Variants in LAMA3 observed in about 807,000 individuals in gnomAD.
The protein encoded by LAMA3 is laminin subunit alpha-3.
Under a neutral mutation model 402.0 loss-of-function variants are expected in LAMA3, and 281 were observed. The ratio of observed to expected loss-of-function variants is 0.70; its 90% confidence interval spans 0.63 to 0.77. The LOEUF (loss-of-function observed/expected upper bound fraction) is 0.77, where lower values mean the gene tolerates loss of function less well. LAMA3 is among the 30% of genes least tolerant of loss of function. The pLI, the probability that LAMA3 is intolerant of heterozygous loss-of-function variation, is 0.00. For synonymous variants in LAMA3, 1,431 were observed against 1,558.4 expected (o/e 0.92, Z 1.93); for missense variants, 3,840 against 4,215.5 (o/e 0.91, Z 2.47).
At chr18:23,693,923 C>T (rs929681864) in intron 1 of LAMA3, among the ~76,000 whole-genome samples, 2 of 152,212 alleles carry the variant, frequency 1.3e-5, no homozygotes, top group East Asian at 3.8e-4. Flanking sequence ...GGTTGTGCTA[C>T]ATACATGGAT....
intron 1 of LAMA3, among the ~76,000 whole-genome samples, chr18:23,713,574 T>G (rs2061037172): frequency 6.6e-6 from 1 of 152,208 alleles, no homozygotes; most frequent in African/African-American, 2.4e-5. Context: ...GAAGTGGATT[T>G]GTTGAAGTGA....
intron 37 of LAMA3, among the ~76,000 whole-genome samples, chr18:23,871,016 C>T (rs1025427079): frequency 1.4e-4 from 22 of 152,156 alleles, no homozygotes; most frequent in African/African-American, 4.8e-4. Context: ...ATAATATAAA[C>T]GTTTGTGCAA....
At chr18:23,775,023 G>A (rs1323137761) in intron 9 of LAMA3, among the ~76,000 whole-genome samples, 2 of 152,154 alleles carry the variant, frequency 1.3e-5, no homozygotes, top group Non-Finnish European at 1.5e-5. Flanking sequence ...GAGGCTTGGC[G>A]TAAAGGATCA....
chr18:23,693,644 A>G (rs1324961187), intron 1 of LAMA3, among the ~76,000 whole-genome samples: 1 of 152,178 alleles, frequency 6.6e-6, no homozygotes, highest in African/African-American at 2.4e-5. Context: ...TAGAAATAGT[A>G]ACTTGTTTTA....
intron 67 of LAMA3, 62 bp from the exon 68 acceptor site, chr18:23,939,161 T>C (rs1036621113): frequency 1.3e-6 from 2 of 1,528,700 alleles, no homozygotes; most frequent in African/African-American, 1.4e-5. Context: ...AGCAATGTAC[T>C]TAGCAAGATA....
At position 23,845,113 on chromosome 18, in the gene LAMA3, C is replaced by T. The variant is rs2063784950; in HGVS notation, c.3708C>T (p.Ser1236=). The T allele has an allele frequency of 1.9e-6, 3 of 1,588,456 alleles. No individual in the cohort carries two copies. Among genetic ancestry groups the T allele is most frequent in the Non-Finnish European group, 1.7e-6 (2 of 1,156,752 alleles). ...TTATCACCAATTGTGGAAAAAACAG[C>T]TTTTACCTTGAGTGAGTATCACTTT... ...LEFITNCGKN[S]FYLDPQTASR... The change falls in exon 30 of 75, where the codon AGC becomes AGT. Residue 1236 remains serine, a synonymous_variant. Transcript: ENST00000313654.
intron 64 of LAMA3, 124 bp downstream of exon 64, chr18:23,928,889 G>A (rs982734357): frequency 1.9e-5 from 18 of 923,180 alleles, no homozygotes; most frequent in Non-Finnish European, 2.6e-5. Flanking sequence ...CACAGTAAAT[G>A]CTATTGTATA....
Position 23,842,458 on chromosome 18 carries a change from TA to T in LAMA3, c.3401del (p.Tyr1134SerfsTer39). 6.2e-7 allele frequency: 1 copy of T among 1,614,218 alleles called. No individual in the cohort carries two copies. Among genetic ancestry groups the T allele is most frequent in the Non-Finnish European group, 8.5e-7 (1 of 1,180,030 alleles). ...CCGATACGTCTTTGTCATCCATTTT[TA>T]CCAAGCAGCGCACCCGACGTTTCCC... is the stretch of plus-strand genomic sequence containing the variant. ...LGRYVFVIHF[Y>X]QAAHPTFPAQ... On this transcript the variant is annotated frameshift_variant, in exon 28 of 75. Transcript: ENST00000313654. LOFTEE classifies it high-confidence loss of function.
intron 1 of LAMA3, chr18:23,710,024 CT>C: frequency 1.3e-6 from 1 of 768,316 alleles, no homozygotes; most frequent in South Asian, 1.3e-5. Context: ...TGTCTTCTAT[CT>C]TCTTCATGGC....
Position 23,899,430 on chromosome 18 carries a change from AGC to A in LAMA3, c.5980_5981del (p.Ala1994Ter), listed in dbSNP as rs1057516688. 2 of 1,614,164 alleles carry A rather than the reference AGC, an allele frequency of 1.2e-6. No individual in the cohort carries two copies. Among genetic ancestry groups the A allele is most frequent in the Non-Finnish European group, 1.7e-6 (2 of 1,180,004 alleles). On this transcript the variant is annotated frameshift_variant, in exon 47 of 75. Transcript: ENST00000313654. LOFTEE classifies it high-confidence loss of function. The part of the protein sequence containing the change: ...NFGKHLREAE[A>X]DKRESQLLLN... ...TTGGAAAGCACCTCAGAGAAGCAGA[AGC>A]TGATAAAAGGGAGTCGCAGCTCTGT...
intron 7 of LAMA3, 150 bp downstream of exon 7, chr18:23,758,661 G>T: frequency 1.6e-6 from 1 of 618,722 alleles, no homozygotes. Context: ...ACCTCAGACT[G>T]CAGGGAAAAG....
chr18:23,843,545 G>A (rs573668572), intron 29 of LAMA3, among the ~76,000 whole-genome samples: 2 of 152,178 alleles, frequency 1.3e-5, no homozygotes, highest in Admixed American at 1.3e-4. Flanking sequence ...TCTCACTTGG[G>A]CAGGGCCAGC....
rs768993260 is a variant in LAMA3, at chr18:23,873,264, T to C, written c.4998+1603T>C. 6 of 1,507,208 alleles carry C rather than the reference T, an allele frequency of 4.0e-6. No homozygotes were observed. In the East Asian group the frequency reaches 1.4e-4, roughly 34 times the overall value. 93.4% of individuals were successfully genotyped at this position (1,507,208 alleles called of 1,614,324 possible). A position where few individuals can be genotyped will look rare whatever the true frequency, so the allele number is the denominator to read the frequency against. ...TTGTGATAGGGAAGAGTTTCCAGCT[T>C]TGTGACATTTTAAGTTACAGTTACG... On this transcript the variant is annotated intron_variant, in intron 38 of 74. Transcript: ENST00000313654.
intron 36 of LAMA3, among the ~76,000 whole-genome samples, chr18:23,866,270 T>A (rs763962841): frequency 6.6e-6 from 1 of 152,162 alleles, no homozygotes; most frequent in Non-Finnish European, 1.5e-5. Context: ...CTGCCTGAAG[T>A]CGGCTCTATT....
chr18:23,927,852 T>C (rs2082051932), intron 62 of LAMA3, among the ~76,000 whole-genome samples: 1 of 152,020 alleles, frequency 6.6e-6, no homozygotes, highest in Non-Finnish European at 1.5e-5. Flanking sequence ...GCATGTTCTC[T>C]GTCTCTTTAC....
chr18:23,707,175 G>C (rs959787064), intron 1 of LAMA3, among the ~76,000 whole-genome samples: 4 of 152,202 alleles, frequency 2.6e-5, no homozygotes, highest in African/African-American at 9.7e-5. Context: ...TTGTCAGTTG[G>C]GGTAACTCAC....
rs761986688 is a variant in LAMA3 at position 23,921,055 on chromosome 18, G to C, written c.8043+1G>C. ...CATAAACAACGGCAGAGACCATTCG[G>C]TACACCTTTTGAGTCTGTTTACTTG... is the stretch of plus-strand genomic sequence containing the variant. On this transcript the variant is annotated splice_donor_variant, in intron 61 of 74. Coordinates refer to ENST00000313654, the MANE Select transcript of LAMA3 (RefSeq NM_198129.4). LOFTEE classifies it high-confidence loss of function. The C allele has an allele frequency of 6.2e-7, 1 of 1,613,882 alleles. No homozygotes were observed. Among genetic ancestry groups the C allele is most frequent in the Non-Finnish European group, 8.5e-7 (1 of 1,179,932 alleles).
intron 6 of LAMA3, among the ~76,000 whole-genome samples, chr18:23,757,462 G>A (rs1342799410): frequency 4.4e-4 from 43 of 97,248 alleles, no homozygotes. Flanking sequence ...CTCCTCCCCA[G>A]TCCCCTCCCC....
At chr18:23,917,800 T>G (rs1483384070) in intron 60 of LAMA3, among the ~76,000 whole-genome samples, 1 of 152,174 alleles carries the variant, frequency 6.6e-6, no homozygotes, top group Non-Finnish European at 1.5e-5. Flanking sequence ...TTCCATTCTG[T>G]GGGTTGTCTG....
Sources: allele counts gnomAD v4.1 joint callset (sites outside exome capture counted in the v4.1 genomes callset), GRCh38; gene constraint gnomAD v4.1.1; transcripts MANE v1.5; gene names NCBI Gene and HGNC (gene_info 2026-07-23, HGNC 2026-07-21).